Variants in PTPRQ observed in about 807,000 individuals in gnomAD.
The protein encoded by PTPRQ is protein tyrosine phosphatase receptor type Q.
In PTPRQ, 199 loss-of-function variants were observed where a neutral mutation model predicts 246.0. That is an observed-to-expected ratio of 0.81 (90% CI 0.72 to 0.91). PTPRQ has a LOEUF of 0.91. Ranked by LOEUF, PTPRQ falls within the 40% of genes least tolerant of loss-of-function variation. The probability of loss-of-function intolerance (pLI) is 0.00; values close to 1 mark genes in which losing one functional copy is unlikely to be tolerated. For synonymous variants in PTPRQ, 869 were observed against 853.2 expected, an observed-to-expected ratio of 1.02 and a Z score of -0.32; for missense variants, 2,624 against 2,528.4, an observed-to-expected ratio of 1.04 and a Z score of -0.81.
intron 25 of PTPRQ, among the ~76,000 whole-genome samples, chr12:80,551,062 A>G (rs1251179720): frequency 6.6e-6 from 1 of 151,860 alleles, no homozygotes; most frequent in Non-Finnish European, 1.5e-5. Flanking sequence ...CTTCTCTAGG[A>G]TATTACCCCA....
chr12:80,572,949 G>T (rs1027933139), intron 25 of PTPRQ, among the ~76,000 whole-genome samples: 1 of 151,890 alleles, frequency 6.6e-6, no homozygotes, highest in African/African-American at 2.4e-5. Flanking sequence ...GATAGGTATT[G>T]GTCTATAATT....
chr12:80,534,870 T>C, intron 18 of PTPRQ, 22 bp from the exon 19 acceptor site: 1 of 1,542,838 alleles, frequency 6.5e-7, no homozygotes, highest in Non-Finnish European at 8.7e-7. Flanking sequence ...TACAGTAATT[T>C]GTTCAATTAT....
At chr12:80,609,277 ATG>A (rs1491386347) in intron 27 of PTPRQ, among the ~76,000 whole-genome samples, 25 of 147,742 alleles carry the variant, frequency 1.7e-4, no homozygotes, top group Admixed American at 6.7e-4. Context: ...ATGCAAATCA[ATG>A]TGTGTTTCGC....
At chr12:80,637,037 A>G (rs2121183943) in intron 35 of PTPRQ, among the ~76,000 whole-genome samples, 1 of 152,244 alleles carries the variant, frequency 6.6e-6, no homozygotes, top group South Asian at 2.1e-4. Context: ...TGGAGGGTGA[A>G]TAACCTGAGG....
At chr12:80,610,388 A>T in intron 27 of PTPRQ, 51 bp from the exon 28 acceptor site, 1 of 1,406,512 alleles carries the variant, frequency 7.1e-7, no homozygotes, top group Middle Eastern at 2.6e-4. Context: ...TGTTTTGGTG[A>T]CTCAGATTTC....
At chr12:80,521,124 T>A (rs1172211054) in intron 17 of PTPRQ, among the ~76,000 whole-genome samples, 2 of 152,186 alleles carry the variant, frequency 1.3e-5, no homozygotes, top group African/African-American at 4.8e-5. Context: ...ATGATGAGCA[T>A]TTTTTCATGT....
At chr12:80,558,198 T>C (rs1026344988) in intron 25 of PTPRQ, among the ~76,000 whole-genome samples, 5 of 150,810 alleles carry the variant, frequency 3.3e-5, no homozygotes, top group African/African-American at 4.9e-5. Context: ...GAAACAGTCT[T>C]GCTTTGTCAT....
chr12:80,525,497 T>A (rs1895654166), intron 17 of PTPRQ, among the ~76,000 whole-genome samples: 1 of 152,026 alleles, frequency 6.6e-6, no homozygotes, highest in South Asian at 2.1e-4. Context: ...ATACATTGAG[T>A]CTTGAAGCCA....
Position 80,652,814 on chromosome 12 carries a change from G to A in PTPRQ, c.6095G>A (p.Arg2032His), listed in dbSNP as rs377067232. ...CTGCCTTGGAATAGAGCAAAAAACC[G>A]CTTCCCAAACATAAAACCATGTATG... ...ADLPWNRAKN[R>H]FPNIKPYNNN... The change falls in exon 38 of 45, where the codon CGC becomes CAC. Residue 2032 changes from arginine (R) to histidine (H), a missense_variant. By Grantham distance (29) the Arg-to-His change is conservative. Transcript: ENST00000644991. 5.7e-5 allele frequency: 86 copies of A among 1,504,630 alleles called. No individual in the cohort carries two copies. In the South Asian group the frequency reaches 7.0e-4, roughly 12 times the overall value. The allele number at this position is 1,504,630 out of a possible 1,614,324, so 93.2% of individuals were successfully genotyped here.
At chr12:80,478,341 A>G (rs537485244) in intron 8 of PTPRQ, among the ~76,000 whole-genome samples, 5 of 152,124 alleles carry the variant, frequency 3.3e-5, no homozygotes, top group Admixed American at 3.3e-4. Flanking sequence ...AAGGAAAACT[A>G]ACAAACAGAA....
intron 33 of PTPRQ, among the ~76,000 whole-genome samples, chr12:80,624,644 C>A (rs910388902): frequency 1.2e-4 from 18 of 152,136 alleles, no homozygotes; most frequent in Non-Finnish European, 2.9e-5. Flanking sequence ...GGATTTAACA[C>A]CATCAATTAC....
intron 25 of PTPRQ, among the ~76,000 whole-genome samples, chr12:80,556,034 G>A (rs1226985339): frequency 6.6e-6 from 1 of 151,966 alleles, no homozygotes; most frequent in East Asian, 1.9e-4. Flanking sequence ...GTGGCTTGAA[G>A]ATTTTTTTTT....
intron 10 of PTPRQ, 126 bp from the exon 11 acceptor site, chr12:80,494,807 G>T (rs1475397748): frequency 1.8e-5 from 15 of 844,018 alleles, no homozygotes; most frequent in Non-Finnish European, 2.4e-5. Flanking sequence ...TTTAATAGAG[G>T]TGTGCATGGA....
chr12:80,486,695 C>T (rs1254328250), intron 9 of PTPRQ, among the ~76,000 whole-genome samples: 1 of 152,072 alleles, frequency 6.6e-6, no homozygotes, highest in Non-Finnish European at 1.5e-5. Context: ...AGGATGAGGA[C>T]TCTCTTCCCA....
At chr12:80,447,254 T>TC (rs1892583160) in intron 3 of PTPRQ, among the ~76,000 whole-genome samples, 1 of 152,074 alleles carries the variant, frequency 6.6e-6, no homozygotes, top group African/African-American at 2.4e-5. Context: ...ATGGGGTTTT[T>TC]CTCCTTGTAT....
At chr12:80,626,233 G>C (rs1192886372) in intron 33 of PTPRQ, among the ~76,000 whole-genome samples, 1 of 152,134 alleles carries the variant, frequency 6.6e-6, no homozygotes. Context: ...TGGTAATGTG[G>C]TGGTGAACCT....
At chr12:80,532,410 A>G (rs1414737291) in intron 17 of PTPRQ, among the ~76,000 whole-genome samples, 4 of 151,914 alleles carry the variant, frequency 2.6e-5, no homozygotes, top group African/African-American at 9.7e-5. Flanking sequence ...TAGTGGAGAC[A>G]GGGTTTTGCC....
intron 23 of PTPRQ, among the ~76,000 whole-genome samples, chr12:80,544,924 G>A (rs1178745087): frequency 6.6e-6 from 1 of 151,944 alleles, no homozygotes; most frequent in Non-Finnish European, 1.5e-5. Context: ...AGGTGACTTA[G>A]GTCACTCACA....
intron 3 of PTPRQ, among the ~76,000 whole-genome samples, chr12:80,455,789 A>T (rs1451181126): frequency 6.6e-6 from 1 of 151,446 alleles, no homozygotes; most frequent in Non-Finnish European, 1.5e-5. Context: ...TTTAGCAGAG[A>T]CGGGTTTCAC....
Sources: gnomAD v4.1 joint callset for allele counts (sites outside exome capture counted in the v4.1 genomes callset) on GRCh38, gnomAD v4.1.1 for gene constraint, MANE v1.5 for transcripts, NCBI Gene and HGNC (gene_info 2026-07-23, HGNC 2026-07-21) for gene names.